ALCAM: variants seen among roughly 807,000 people sequenced by gnomAD.
The protein encoded by ALCAM is activated leukocyte cell adhesion molecule, also known as CD166 antigen.
ALCAM carries 30 observed loss-of-function variants against 70.9 expected under a neutral mutation model. The ratio of observed to expected loss-of-function variants is 0.42; its 90% CI spans 0.32 to 0.57. The LOEUF is 0.57. Ranked by LOEUF, ALCAM falls within the 20% of genes least tolerant of loss-of-function variation. The probability of loss-of-function intolerance (pLI) is 0.11; values close to 1 mark genes in which losing one functional copy is unlikely to be tolerated. For synonymous variants in ALCAM, 249 were observed against 242.5 expected (o/e 1.03, Z -0.25); for missense variants, 591 against 695.1 (o/e 0.85, Z 1.68).
chr3:105,496,004 T>C (rs1938726668), intron 1 of ALCAM, among the ~76,000 whole-genome samples: 1 of 152,216 alleles, frequency 6.6e-6, no homozygotes. Flanking sequence ...AGCTTCAGTT[T>C]AGCTGTTTTC....
chr3:105,493,321 T>G (rs764051260), intron 1 of ALCAM, among the ~76,000 whole-genome samples: 7 of 152,178 alleles, frequency 4.6e-5, no homozygotes, highest in Non-Finnish European at 1.0e-4. Context: ...ATAATAATAA[T>G]AATCACATTT....
chr3:105,386,716 T>G (rs556737148), intron 1 of ALCAM, among the ~76,000 whole-genome samples: 1 of 151,550 alleles, frequency 6.6e-6, no homozygotes, highest in Non-Finnish European at 1.5e-5. Flanking sequence ...GTTTTTTCAT[T>G]TAAAATTAAA....
At chr3:105,537,273 C>T (rs1011448126) in intron 6 of ALCAM, among the ~76,000 whole-genome samples, 5 of 152,120 alleles carry the variant, frequency 3.3e-5, no homozygotes, top group Non-Finnish European at 7.4e-5. Flanking sequence ...TGCCTCTATT[C>T]CTGCGATGGA....
chr3:105,523,354 A>G (rs970823489), intron 2 of ALCAM, among the ~76,000 whole-genome samples: 3 of 152,226 alleles, frequency 2.0e-5, no homozygotes, highest in Non-Finnish European at 2.9e-5. Context: ...TTGTTGATGT[A>G]TTCAGATATT....
At chr3:105,543,979 C>T (rs1051490479) in intron 8 of ALCAM, among the ~76,000 whole-genome samples, 9 of 151,742 alleles carry the variant, frequency 5.9e-5, no homozygotes, top group Non-Finnish European at 1.0e-4. Context: ...CAAACCAAGT[C>T]ACAATCACTA....
chr3:105,421,383 A>C (rs1444951999), intron 1 of ALCAM, among the ~76,000 whole-genome samples: 1 of 151,568 alleles, frequency 6.6e-6, no homozygotes, highest in East Asian at 1.9e-4. Flanking sequence ...TGATGAACGT[A>C]ACACTGATAA....
At chr3:105,406,672 G>A (rs1442256318) in intron 1 of ALCAM, among the ~76,000 whole-genome samples, 5 of 149,772 alleles carry the variant, frequency 3.3e-5, no homozygotes, top group South Asian at 4.3e-4. Flanking sequence ...AAACTCAGCC[G>A]AAGAAAAGAA....
At chr3:105,442,186 G>C (rs1937186242) in intron 1 of ALCAM, among the ~76,000 whole-genome samples, 1 of 152,116 alleles carries the variant, frequency 6.6e-6, no homozygotes, top group Non-Finnish European at 1.5e-5. Context: ...AATGAGACTA[G>C]AACCAATCTA....
chr3:105,557,125 C>A (rs1011747017), intron 14 of ALCAM, among the ~76,000 whole-genome samples: 1 of 151,966 alleles, frequency 6.6e-6, no homozygotes, highest in African/African-American at 2.4e-5. Flanking sequence ...TGGCTACTGG[C>A]ATTTAATTGG....
chr3:105,401,263 T>C (rs1240333794), intron 1 of ALCAM, among the ~76,000 whole-genome samples: 1 of 152,230 alleles, frequency 6.6e-6, no homozygotes, highest in Admixed American at 6.5e-5. Context: ...ACTGAAATTA[T>C]GTACTGTCTC....
chr3:105,503,487 C>T (rs1938978925), intron 1 of ALCAM, among the ~76,000 whole-genome samples: 1 of 152,094 alleles, frequency 6.6e-6, no homozygotes, highest in Admixed American at 6.5e-5. Flanking sequence ...GCCTCTTTTT[C>T]ATTCCCACTG....
At chr3:105,499,838 C>G (rs777624715) in intron 1 of ALCAM, among the ~76,000 whole-genome samples, 1 of 152,190 alleles carries the variant, frequency 6.6e-6, no homozygotes. Flanking sequence ...ATATGGCTAC[C>G]TCTTTCTTCT....
chr3:105,518,419 T>C (rs953795578), intron 1 of ALCAM, among the ~76,000 whole-genome samples: 10 of 152,206 alleles, frequency 6.6e-5, no homozygotes, highest in Admixed American at 3.9e-4. Flanking sequence ...TGAACAAGAC[T>C]TAATACACAC....
chr3:105,552,675 A>T lies in ALCAM; in HGVS notation c.1664+90A>T, dbSNP rs191755536. 108 of 1,592,474 alleles carry T rather than the reference A, an allele frequency of 6.8e-5. No homozygotes were observed. The African/African-American group carries it at 1.2e-3, about 18-fold the overall frequency. ...AATTTTGCTCACTCCAGTCGTGCAT[A>T]TAATTTATACAATAAGGAAGATGTA... On this transcript the variant is annotated intron_variant, in intron 14 of 15. Coordinates refer to ENST00000306107, the MANE Select transcript of ALCAM (RefSeq NM_001627.4).
chr3:105,427,484 C>T (rs953007804), intron 1 of ALCAM, among the ~76,000 whole-genome samples: 7 of 151,902 alleles, frequency 4.6e-5, no homozygotes, highest in Non-Finnish European at 1.0e-4. Context: ...GCTTCATCAC[C>T]ATGGGCTGAA....
intron 1 of ALCAM, among the ~76,000 whole-genome samples, chr3:105,477,336 G>T (rs1020919596): frequency 6.6e-6 from 1 of 151,722 alleles, no homozygotes; most frequent in South Asian, 2.1e-4. Flanking sequence ...AGTAATATAG[G>T]TCTATCTGTA....
At chr3:105,464,261 TA>T (rs1937653465) in intron 1 of ALCAM, among the ~76,000 whole-genome samples, 2 of 151,548 alleles carry the variant, frequency 1.3e-5, no homozygotes, top group Middle Eastern at 3.4e-3. Flanking sequence ...ATCAAATTTT[TA>T]AAATATTAAT....
intron 1 of ALCAM, among the ~76,000 whole-genome samples, chr3:105,409,530 A>T (rs1000136510): frequency 2.0e-5 from 3 of 152,072 alleles, no homozygotes; most frequent in African/African-American, 7.2e-5. Flanking sequence ...CATAAGAATG[A>T]CGCATTGGAC....
At chr3:105,437,953 G>T (rs1378100896) in intron 1 of ALCAM, among the ~76,000 whole-genome samples, 3 of 152,028 alleles carry the variant, frequency 2.0e-5, no homozygotes, top group African/African-American at 7.2e-5. Flanking sequence ...AAAGGAAATG[G>T]TGTAGCCTAA....
Sources: allele counts gnomAD v4.1 joint callset (sites outside exome capture counted in the v4.1 genomes callset), GRCh38; gene constraint gnomAD v4.1.1; transcripts MANE v1.5; gene names NCBI Gene and HGNC (gene_info 2026-07-23, HGNC 2026-07-21).